The following MICAL3 variants were observed in gnomAD, a reference collection of about 807,000 sequenced individuals.
MICAL3 encodes the protein [F-actin]-monooxygenase MICAL3.
MICAL3 carries 62 observed loss-of-function variants against 207.4 expected under a neutral mutation model. The observed-to-expected ratio is 0.30, with a 90% CI of 0.24 to 0.37. The LOEUF is 0.37. Among genes scored for constraint, MICAL3 ranks in the 10% least tolerant of loss-of-function variants. The pLI is 1.00. For missense variants in MICAL3, 2,368 were observed against 2,635.6 expected (o/e 0.90, Z 2.22); for synonymous variants, 1,077 against 1,069.3 (o/e 1.01, Z -0.14).
intron 29 of MICAL3, among the ~76,000 whole-genome samples, chr22:17,792,523 G>A (rs2061834580): frequency 6.6e-6 from 1 of 152,168 alleles, no homozygotes; most frequent in Non-Finnish European, 1.5e-5. Flanking sequence ...CCTCAGAAGG[G>A]CCAGCCACAG....
At chr22:17,970,488 T>C (rs561143311) in intron 1 of MICAL3, among the ~76,000 whole-genome samples, 34 of 152,376 alleles carry the variant, frequency 2.2e-4, no homozygotes, top group Non-Finnish European at 1.9e-4. Context: ...GTCACGGCTG[T>C]GACCGACTCA....
chr22:17,887,187 T>C lies in MICAL3; in HGVS notation c.2050A>G (p.Thr684Ala). The C allele has an allele frequency of 6.2e-7, 1 of 1,613,684 alleles. No homozygotes were observed. The highest frequency in any genetic ancestry group is 1.1e-5 in the South Asian group (1 of 90,998). The change falls in exon 15 of 32, where the codon ACC becomes GCC. Residue 684 changes from threonine to alanine, a missense_variant. By Grantham distance (58) the Thr-to-Ala change is moderately conservative. This residue lies in a region of MICAL3 where 1,770 missense variants were observed against 1,863.2 expected (regional missense o/e 0.95). Coordinates refer to ENST00000441493, the MANE Select transcript of MICAL3 (RefSeq NM_015241.3). ...DLDGAGKRRK[T>A]SQSEEEEAPR... ...AATCTCACCTCCTCTGATTGACTGG[T>C]CTTTCTCCTCTTCCCAGCACCATCC...
intron 12 of MICAL3, among the ~76,000 whole-genome samples, chr22:17,891,252 A>T (rs1930373260): frequency 7.5e-6 from 1 of 133,006 alleles, no homozygotes. Flanking sequence ...CAGCTATAGG[A>T]GCACAAAAAA....
intron 21 of MICAL3, among the ~76,000 whole-genome samples, chr22:17,829,243 C>T (rs535678717): frequency 3.3e-5 from 5 of 151,758 alleles, no homozygotes; most frequent in South Asian, 2.1e-4. Context: ...CTCAGCTCAC[C>T]GCAACCTCCG....
At chr22:17,866,152 T>C in intron 17 of MICAL3, 140 bp from the exon 18 acceptor site, 1 of 679,270 alleles carries the variant, frequency 1.5e-6, no homozygotes. Flanking sequence ...TGGGCCCAGC[T>C]TTCTTGTCCA....
At chr22:17,969,813 A>G (rs1427917160) in intron 1 of MICAL3, among the ~76,000 whole-genome samples, 1 of 152,210 alleles carries the variant, frequency 6.6e-6, no homozygotes, top group South Asian at 2.1e-4. Flanking sequence ...GGATGGGTGC[A>G]TGCTTCCTCA....
At chr22:17,875,639 T>C (rs1489968650) in intron 16 of MICAL3, 5 of 720,206 alleles carry the variant, frequency 6.9e-6, no homozygotes, top group Non-Finnish European at 1.1e-5. Flanking sequence ...AAGATGGTTG[T>C]AGAGCCTTTT....
intron 1 of MICAL3, among the ~76,000 whole-genome samples, chr22:17,999,737 G>T (rs1173524032): frequency 6.6e-6 from 1 of 152,202 alleles, no homozygotes; most frequent in Non-Finnish European, 1.5e-5. Flanking sequence ...CAAATAAACA[G>T]CCTTGACTGA....
At chr22:17,943,418 C>T (rs1234260942) in intron 1 of MICAL3, among the ~76,000 whole-genome samples, 1 of 152,262 alleles carries the variant, frequency 6.6e-6, no homozygotes, top group Non-Finnish European at 1.5e-5. Context: ...CCCACCTCAG[C>T]CTCCCAAAGT....
chr22:17,978,536 CAG>C (rs906380175), intron 1 of MICAL3, among the ~76,000 whole-genome samples: 8 of 149,176 alleles, frequency 5.4e-5, no homozygotes, highest in Admixed American at 1.3e-4. Flanking sequence ...TTTTTTGAGA[CAG>C]AGTCTCCCTC....
intron 29 of MICAL3, among the ~76,000 whole-genome samples, chr22:17,807,228 G>A (rs1035948871): frequency 6.6e-6 from 1 of 152,260 alleles, no homozygotes; most frequent in Non-Finnish European, 1.5e-5. Flanking sequence ...GAAATGGCAC[G>A]AGGGCAGGGC....
intron 21 of MICAL3, among the ~76,000 whole-genome samples, chr22:17,829,797 T>C (rs1922598984): frequency 6.6e-6 from 1 of 152,108 alleles, no homozygotes; most frequent in Non-Finnish European, 1.5e-5. Context: ...GTAAAACATA[T>C]GCGGCATAGA....
In MICAL3 at chr22:17,841,453, G is replaced by T; in HGVS notation, c.2801+369C>A. 2 of 426,714 alleles carry T rather than the reference G, an allele frequency of 4.7e-6. No homozygotes were observed. The highest frequency in any genetic ancestry group is 6.8e-5 in the East Asian group (2 of 29,318). The allele number at this position is 426,714 out of a possible 1,614,324, so 26.4% of individuals were successfully genotyped here. ...GGACGGACTAGGCCTCCCTCAAGACGGCCCGGTGCACTGGTGGCTGAATCA... is the reference window on the plus strand; with the variant it reads ...GGACGGACTAGGCCTCCCTCAAGACTGCCCGGTGCACTGGTGGCTGAATCA... On this transcript the variant is annotated intron_variant, in intron 20 of 31. Transcript: ENST00000441493. This position sits in a 1 kb window ranked among gnomAD's most constrained non-coding sequence, Gnocchi z 4.2.
rs760185093 is a variant in MICAL3 at position 17,831,885 on chromosome 22, G to GTCC, written c.3021_3023dup (p.Glu1007dup). On this transcript the variant is annotated inframe_insertion, in exon 21 of 32. Coordinates refer to ENST00000441493, the MANE Select transcript of MICAL3 (RefSeq NM_015241.3). ...TGGACTCTTCCTCCTCCTCGTCATA[G>GTCC]TCCTCCTCCTCCTCCTCTTCATATT... is the stretch of plus-strand genomic sequence containing the variant. 45 of 1,553,392 alleles carry GTCC rather than the reference G, an allele frequency of 2.9e-5. No homozygotes were observed. Among genetic ancestry groups the GTCC allele is most frequent in the Admixed American group, 3.9e-5 (2 of 51,094 alleles).
In MICAL3 at chr22:17,877,464, A is replaced by ATTATGGAGGTTAGGGAGG. The variant is rs1569110574; in HGVS notation, c.2242-5459_2242-5442dup. On this transcript the variant is annotated intron_variant, in intron 16 of 31. Transcript: ENST00000441493. Reference sequence around the variant, plus strand: ...GAGGGAGGTTATGGAGGTTAGGGAGATTATGGAGGTTAGGGAGGTTATGGA... The same window carrying ATTATGGAGGTTAGGGAGG: ...GAGGGAGGTTATGGAGGTTAGGGAGATTATGGAGGTTAGGGAGGTTATGGAGGTTAGGGAGGTTATGGA... Among the ~76,000 whole-genome samples the ATTATGGAGGTTAGGGAGG allele has an allele frequency of 5.1e-3, 137 of 26,984 alleles. 3 individuals are homozygous for ATTATGGAGGTTAGGGAGG. Among genetic ancestry groups the ATTATGGAGGTTAGGGAGG allele is most frequent in the Non-Finnish European group, 6.6e-3 (94 of 14,304 alleles). The allele number at this position is 26,984 out of a possible 152,430, so 17.7% of individuals were successfully genotyped here. A position where few individuals can be genotyped will look rare whatever the true frequency, so the allele number is the denominator to read the frequency against.
At chr22:18,008,900 G>A (rs1345005312) in intron 1 of MICAL3, among the ~76,000 whole-genome samples, 1 of 151,460 alleles carries the variant, frequency 6.6e-6, no homozygotes, top group Non-Finnish European at 1.5e-5. Context: ...CTCCAGCCTG[G>A]GCGACACAGC....
At chr22:17,922,265 T>C (rs997773480) in intron 1 of MICAL3, among the ~76,000 whole-genome samples, 1 of 152,118 alleles carries the variant, frequency 6.6e-6, no homozygotes, top group African/African-American at 2.4e-5. Flanking sequence ...TGTTTGCACG[T>C]AGTACAGATG....
chr22:17,998,230 G>A (rs1922516902), intron 1 of MICAL3, among the ~76,000 whole-genome samples: 1 of 145,428 alleles, frequency 6.9e-6, no homozygotes, highest in Non-Finnish European at 1.5e-5. Context: ...CTCGAACCCA[G>A]GAGGCAGAGT....
chr22:17,803,505 G>C (rs1444980975), intron 29 of MICAL3: 1 of 151,954 alleles, frequency 6.6e-6, no homozygotes, highest in African/African-American at 2.4e-5. Context: ...AGCTGTGTTG[G>C]AGTGTGTGTA....
Sources: allele counts gnomAD v4.1 joint callset (sites outside exome capture counted in the v4.1 genomes callset), GRCh38; gene constraint gnomAD v4.1.1; regional missense constraint gnomAD v4.1.1; non-coding constraint Gnocchi (gnomAD v3.1); transcripts MANE v1.5; gene names NCBI Gene and HGNC (gene_info 2026-07-23, HGNC 2026-07-21).